The following GAS2 variants were observed in gnomAD, a reference collection of about 807,000 sequenced individuals.
The protein encoded by GAS2 is growth arrest-specific protein 2.
A neutral mutation model predicts 37.5 loss-of-function variants in GAS2; 20 were observed. That is an observed-to-expected ratio of 0.53 (90% CI 0.37 to 0.77). The LOEUF is 0.77. Ranked by LOEUF, GAS2 falls within the 30% of genes least tolerant of loss-of-function variation. GAS2 has a pLI of 0.00. For missense variants in GAS2, 336 were observed against 373.4 expected (o/e 0.90, Z 0.82); for synonymous variants, 144 against 132.2 (o/e 1.09, Z -0.61).
intron 3 of GAS2, among the ~76,000 whole-genome samples, chr11:22,704,793 T>A (rs1468226758): frequency 1.3e-5 from 2 of 151,672 alleles, no homozygotes; most frequent in Admixed American, 6.6e-5. Flanking sequence ...GAGAGATTAA[T>A]CTTTACTTAT....
intron 3 of GAS2, among the ~76,000 whole-genome samples, chr11:22,691,480 T>G (rs1850243586): frequency 6.6e-6 from 1 of 152,170 alleles, no homozygotes. Context: ...AACAAGAAAG[T>G]ATGGTAGATG....
chr11:22,638,707 A>T (rs991462612), intron 1 of GAS2, among the ~76,000 whole-genome samples: 2 of 152,080 alleles, frequency 1.3e-5, no homozygotes, highest in African/African-American at 4.8e-5. Flanking sequence ...GACCAATGAA[A>T]ACAAGTTATT....
chr11:22,702,812 A>G (rs1386165683), intron 3 of GAS2, among the ~76,000 whole-genome samples: 1 of 152,084 alleles, frequency 6.6e-6, no homozygotes, highest in African/African-American at 2.4e-5. Context: ...GAGAATCTAC[A>G]TATTTCAGAG....
At chr11:22,758,913 C>CAAAAAAAGAA (rs1854204558) in intron 7 of GAS2, among the ~76,000 whole-genome samples, 1 of 73,308 alleles carries the variant, frequency 1.4e-5, no homozygotes, top group African/African-American at 4.3e-5. Context: ...AACTCCGTCT[C>CAAAAAAAGAA]AAAAAAAAAA....
chr11:22,655,310 G>A (rs1051024227), intron 1 of GAS2, among the ~76,000 whole-genome samples: 2 of 152,162 alleles, frequency 1.3e-5, no homozygotes, highest in African/African-American at 2.4e-5. Context: ...TTCTGCATTA[G>A]GTTAGTTCTT....
intron 1 of GAS2, among the ~76,000 whole-genome samples, chr11:22,643,017 A>G (rs1038876406): frequency 1.3e-5 from 2 of 151,958 alleles, no homozygotes; most frequent in Admixed American, 6.6e-5. Flanking sequence ...TTCTATTTTT[A>G]TATTTTGGCT....
At chr11:22,747,917 C>T (rs532641385) in intron 5 of GAS2, among the ~76,000 whole-genome samples, 17 of 152,120 alleles carry the variant, frequency 1.1e-4, no homozygotes, top group African/African-American at 3.6e-4. Context: ...GCTTTCCCCT[C>T]GGAGTATGTA....
intron 1 of GAS2, among the ~76,000 whole-genome samples, chr11:22,653,902 G>A (rs1848826683): frequency 6.6e-6 from 1 of 152,162 alleles, no homozygotes; most frequent in Non-Finnish European, 1.5e-5. Context: ...CTCACTCTTA[G>A]GGCCCTCCTT....
intron 3 of GAS2, among the ~76,000 whole-genome samples, chr11:22,710,181 AAAAC>A (rs370597956): frequency 0.013 from 2,051 of 152,132 alleles, 35 homozygotes; most frequent in African/African-American, 0.046. Context: ...AAAAAAGGAA[AAAAC>A]AAACAAACAA....
chr11:22,674,756 A>T, intron 1 of GAS2, 94 bp from the exon 2 acceptor site: 1 of 914,726 alleles, frequency 1.1e-6, no homozygotes, highest in Non-Finnish European at 1.6e-6. Context: ...GTCATCAGAA[A>T]ACCCGCGGAT....
At chr11:22,788,626 T>C (rs1855935069) in intron 7 of GAS2, among the ~76,000 whole-genome samples, 1 of 152,210 alleles carries the variant, frequency 6.6e-6, no homozygotes, top group South Asian at 2.1e-4. Context: ...ATCTAGGGTT[T>C]GTACTAATTG....
rs76453806 is a variant in GAS2 at position 22,802,806 on chromosome 11, G to A, written c.724-8992G>A. ...TAACAATGTTTCAGTCAATAAGAAT[G>A]GTTCTGTAAGATTTTAATACAGATT... On this transcript the variant is annotated intron_variant, in intron 7 of 7. Coordinates refer to ENST00000454584, the MANE Select transcript of GAS2 (RefSeq NM_001143830.3). Among the ~76,000 whole-genome samples, 17 of 152,130 alleles carry A rather than the reference G, an allele frequency of 1.1e-4. No individual in the cohort carries two copies. The East Asian group carries it at 3.1e-3, about 28-fold the overall frequency.
At chr11:22,656,646 C>A (rs894895649) in intron 1 of GAS2, among the ~76,000 whole-genome samples, 1 of 152,106 alleles carries the variant, frequency 6.6e-6, no homozygotes, top group African/African-American at 2.4e-5. Context: ...AAAATCATCC[C>A]CATACTTTAT....
At chr11:22,645,644 C>CCCTAATAA (rs1848681277) in intron 1 of GAS2, among the ~76,000 whole-genome samples, 2 of 151,640 alleles carry the variant, frequency 1.3e-5, no homozygotes, top group African/African-American at 4.8e-5. Flanking sequence ...TAAAATATTA[C>CCCTAATAA]AAAATTAGGG....
intron 7 of GAS2, among the ~76,000 whole-genome samples, chr11:22,801,048 T>C (rs1338835848): frequency 6.6e-6 from 1 of 152,104 alleles, no homozygotes; most frequent in Non-Finnish European, 1.5e-5. Context: ...ACCTTTTCAA[T>C]GAAAAGCGAG....
At chr11:22,633,088 C>T (rs114851052) in intron 1 of GAS2, among the ~76,000 whole-genome samples, 9 of 152,208 alleles carry the variant, frequency 5.9e-5, no homozygotes, top group African/African-American at 1.9e-4. Flanking sequence ...TTGGATCCAT[C>T]GCTGGAGAGT....
chr11:22,681,459 G>T (rs1387108006), intron 2 of GAS2, among the ~76,000 whole-genome samples: 1 of 152,164 alleles, frequency 6.6e-6, no homozygotes, highest in Non-Finnish European at 1.5e-5. Flanking sequence ...AATTTAGGAA[G>T]TGAAACTATT....
intron 1 of GAS2, among the ~76,000 whole-genome samples, chr11:22,671,205 T>G (rs1167525195): frequency 6.6e-6 from 1 of 152,066 alleles, no homozygotes; most frequent in Non-Finnish European, 1.5e-5. Flanking sequence ...ACTTCTACTA[T>G]GGAAAGAAAG....
intron 3 of GAS2, among the ~76,000 whole-genome samples, chr11:22,714,797 T>TA (rs1851583008): frequency 6.6e-6 from 1 of 152,090 alleles, no homozygotes; most frequent in Non-Finnish European, 1.5e-5. Context: ...AGATGAAAAT[T>TA]AAATTCTTTG....
Sources: gnomAD v4.1 joint callset for allele counts (sites outside exome capture counted in the v4.1 genomes callset) on GRCh38, gnomAD v4.1.1 for gene constraint, MANE v1.5 for transcripts, NCBI Gene and HGNC (gene_info 2026-07-23, HGNC 2026-07-21) for gene names.